SUSD4: variants seen among roughly 807,000 people sequenced by gnomAD.
SUSD4 encodes the protein sushi domain containing 4, also known as sushi domain-containing protein 4.
A neutral mutation model predicts 50.5 loss-of-function variants in SUSD4; 41 were observed. That is an observed-to-expected ratio of 0.81 (90% confidence interval 0.63 to 1.05). SUSD4 has a LOEUF of 1.05. SUSD4 is among the 50% of genes least tolerant of loss of function. SUSD4 has a pLI of 0.00. For missense variants in SUSD4, 580 were observed against 634.7 expected, an observed-to-expected ratio of 0.91 and a Z score of 0.93; for synonymous variants, 257 against 257.3, an observed-to-expected ratio of 1.00 and a Z score of 0.01.
intron 5 of SUSD4, among the ~76,000 whole-genome samples, chr1:223,245,017 G>A (rs532430951): frequency 4.6e-5 from 7 of 152,088 alleles, no homozygotes; most frequent in African/African-American, 1.7e-4. Context: ...ATTCACAGTG[G>A]GGTCCATAGA....
intron 2 of SUSD4, among the ~76,000 whole-genome samples, chr1:223,316,150 G>C (rs1005985017): frequency 1.2e-4 from 18 of 152,076 alleles, no homozygotes; most frequent in Non-Finnish European, 2.4e-4. Flanking sequence ...GAGAATAACA[G>C]GGCAGAAGAG....
chr1:223,264,592 A>C (rs1662349710), intron 5 of SUSD4, 38 bp downstream of exon 5: 2 of 1,608,688 alleles, frequency 1.2e-6, no homozygotes, highest in Admixed American at 1.7e-5. Flanking sequence ...CCCTTTAATA[A>C]TACAAAATAC....
intron 5 of SUSD4, among the ~76,000 whole-genome samples, chr1:223,242,049 C>T (rs1225698387): frequency 6.6e-6 from 1 of 152,170 alleles, no homozygotes; most frequent in African/African-American, 2.4e-5. Context: ...TCAAGTGATC[C>T]TCTGACCTCA....
intron 3 of SUSD4, among the ~76,000 whole-genome samples, chr1:223,275,658 T>C (rs1444993708): frequency 6.6e-5 from 10 of 152,222 alleles, no homozygotes; most frequent in Admixed American, 5.9e-4. Context: ...CTTTGTTGCA[T>C]ACAAGCATCT....
intron 5 of SUSD4, among the ~76,000 whole-genome samples, chr1:223,251,680 AT>A (rs1661321937): frequency 6.6e-6 from 1 of 152,114 alleles, no homozygotes. Context: ...GGTTCCAAGT[AT>A]TTGCTATTGT....
At chr1:223,239,039 T>C (rs530987381) in intron 5 of SUSD4, among the ~76,000 whole-genome samples, 1 of 152,144 alleles carries the variant, frequency 6.6e-6, no homozygotes, top group East Asian at 1.9e-4. Context: ...TTAAGGACTG[T>C]TAGGTATTCT....
At chr1:223,331,642 CTT>C (rs1029351850) in intron 2 of SUSD4, among the ~76,000 whole-genome samples, 3 of 152,206 alleles carry the variant, frequency 2.0e-5, no homozygotes, top group African/African-American at 7.2e-5. Context: ...GGGCCTGAGA[CTT>C]TCAAACAGCA....
At chr1:223,303,524 A>G (rs1190547452) in intron 2 of SUSD4, among the ~76,000 whole-genome samples, 1 of 150,928 alleles carries the variant, frequency 6.6e-6, no homozygotes, top group Non-Finnish European at 1.5e-5. Flanking sequence ...TTGACCTGCA[A>G]ATTGTGACCT....
At chr1:223,319,754 T>C (rs1666458862) in intron 2 of SUSD4, among the ~76,000 whole-genome samples, 1 of 152,220 alleles carries the variant, frequency 6.6e-6, no homozygotes, top group South Asian at 2.1e-4. Context: ...TTTCTTTATG[T>C]TTGTCAATGA....
At chr1:223,351,165 C>G (rs749921370) in intron 2 of SUSD4, among the ~76,000 whole-genome samples, 20 of 152,244 alleles carry the variant, frequency 1.3e-4, no homozygotes, top group Admixed American at 2.0e-4. Context: ...TATAAAGCCA[C>G]CAAAGCAGTA....
chr1:223,253,256 T>C (rs1661458479), intron 5 of SUSD4, among the ~76,000 whole-genome samples: 1 of 151,652 alleles, frequency 6.6e-6, no homozygotes. Context: ...ACTCTAACTT[T>C]AGAGGATGTG....
chr1:223,350,929 G>T (rs1056052824), intron 2 of SUSD4, among the ~76,000 whole-genome samples: 1 of 152,100 alleles, frequency 6.6e-6, no homozygotes, highest in Non-Finnish European at 1.5e-5. Flanking sequence ...AAGATAAATC[G>T]GTTGTGGATC....
intron 2 of SUSD4, among the ~76,000 whole-genome samples, chr1:223,322,422 A>AGAGC (rs1177749758): frequency 6.6e-6 from 1 of 152,262 alleles, no homozygotes; most frequent in African/African-American, 2.4e-5. Context: ...TGTCAAGCAT[A>AGAGC]GAGCATGGTA....
At chr1:223,291,772 T>C (rs17517952) in intron 3 of SUSD4, among the ~76,000 whole-genome samples, 42,630 of 152,094 alleles carry the variant, frequency 0.28, 7,430 homozygotes, top group Non-Finnish European at 0.4. Flanking sequence ...CAATTTGACA[T>C]TCTAATTGGT....
chr1:223,291,338 C>T (rs1039194756), intron 3 of SUSD4, among the ~76,000 whole-genome samples: 48 of 151,708 alleles, frequency 3.2e-4, no homozygotes, highest in African/African-American at 1.2e-3. Context: ...ACAAAAAATA[C>T]AAAAATTAGC....
chr1:223,279,915 G>A (rs1050669145), intron 3 of SUSD4, among the ~76,000 whole-genome samples: 1 of 152,212 alleles, frequency 6.6e-6, no homozygotes, highest in Non-Finnish European at 1.5e-5. Flanking sequence ...AGCCAGAAGA[G>A]AGTGGGGGCC....
At chr1:223,290,184 C>T (rs1457335541) in intron 3 of SUSD4, among the ~76,000 whole-genome samples, 1 of 152,152 alleles carries the variant, frequency 6.6e-6, no homozygotes, top group South Asian at 2.1e-4. Context: ...ATTCAGCAGC[C>T]CTTACTACTT....
intron 5 of SUSD4, among the ~76,000 whole-genome samples, chr1:223,253,074 C>T (rs531726949): frequency 1.3e-5 from 2 of 149,340 alleles, no homozygotes; most frequent in South Asian, 4.2e-4. Flanking sequence ...CTGGGTGAGA[C>T]AGAGTGAGGC....
chr1:223,267,531 C>T (rs1325528994), intron 4 of SUSD4, among the ~76,000 whole-genome samples: 2 of 152,152 alleles, frequency 1.3e-5, no homozygotes, highest in Non-Finnish European at 2.9e-5. Flanking sequence ...ACAGAACATG[C>T]TCAGCAACAC....
Sources: gnomAD v4.1 joint callset for allele counts (sites outside exome capture counted in the v4.1 genomes callset) on GRCh38, gnomAD v4.1.1 for gene constraint, MANE v1.5 for transcripts, NCBI Gene and HGNC (gene_info 2026-07-23, HGNC 2026-07-21) for gene names.